CLDN19: variants seen among roughly 807,000 people sequenced by gnomAD.
The protein encoded by CLDN19 is claudin-19.
A neutral mutation model predicts 24.5 loss-of-function variants in CLDN19; 19 were observed. The observed-to-expected ratio is 0.78, with a 90% CI of 0.54 to 1.14. The LOEUF (loss-of-function observed/expected upper bound fraction) is 1.14, where lower values mean the gene tolerates loss of function less well. Ranked by LOEUF, CLDN19 falls within the 50% of genes most tolerant of loss-of-function variation. The pLI, the probability that CLDN19 is intolerant of heterozygous loss-of-function variation, is 0.00. For missense variants in CLDN19, 250 were observed against 295.9 expected (o/e 0.84, Z 1.14); for synonymous variants, 117 against 129.6 (o/e 0.90, Z 0.66).
Position 42,735,073 on chromosome 1 carries a change from T to C in CLDN19, c.*13A>G. The C allele has an allele frequency of 6.3e-7, 1 of 1,594,594 alleles. No homozygotes were observed. The highest frequency in any genetic ancestry group is 8.6e-7 in the Non-Finnish European group (1 of 1,162,534). Reference sequence around the variant, plus strand: ...GGTATGGCAGGGGACAGAGCCTGGCTGGGGACTGGACATTACACACCCAGG... The same window carrying C: ...GGTATGGCAGGGGACAGAGCCTGGCCGGGGACTGGACATTACACACCCAGG... On this transcript the variant is annotated 3_prime_UTR_variant, in exon 5 of 5. Transcript: ENST00000296387.
intron 1 of CLDN19, among the ~76,000 whole-genome samples, chr1:42,739,093 C>A (rs922678190): frequency 1.3e-5 from 2 of 152,006 alleles, no homozygotes; most frequent in African/African-American, 4.8e-5. Context: ...CCATCCTGGG[C>A]CCTGGGGGGT....
At chr1:42,738,093 C>T in intron 3 of CLDN19, 136 bp downstream of exon 3, 3 of 811,808 alleles carry the variant, frequency 3.7e-6, no homozygotes, top group Non-Finnish European at 6.3e-6. Flanking sequence ...CCACCACACT[C>T]CTCCTGGCGC....
chr1:42,736,184 T>A (rs1253680304), intron 3 of CLDN19, among the ~76,000 whole-genome samples, 154 bp from the exon 4 acceptor site: 1 of 152,198 alleles, frequency 6.6e-6, no homozygotes, highest in African/African-American at 2.4e-5. Context: ...GTGAATGCTC[T>A]TCCTTTCTCC....
rs747361042 is a variant in CLDN19, at chr1:42,735,075, G to T, written c.*11C>A. 7 of 1,594,908 alleles carry T rather than the reference G, an allele frequency of 4.4e-6. No homozygotes were observed. The highest frequency in any genetic ancestry group is 2.7e-5 in the African/African-American group (2 of 74,540). ...TATGGCAGGGGACAGAGCCTGGCTG[G>T]GGACTGGACATTACACACCCAGGGG... On this transcript the variant is annotated 3_prime_UTR_variant, in exon 5 of 5. Coordinates refer to ENST00000296387, the MANE Select transcript of CLDN19 (RefSeq NM_148960.3).
Position 42,738,289 on chromosome 1 carries a change from G to A in CLDN19, c.413C>T (p.Ser138Leu), listed in dbSNP as rs781067170. ...CTGGGTCACCAGGGTGGCATACCAC[G>A]AGACAGCAGTCAAAGTGCAGAGGCC... Reference protein sequence around the residue: ...LAGLCTLTAVSWYATLVTQEF... With the variant: ...LAGLCTLTAVLWYATLVTQEF... Residue 138 changes from serine (S) to leucine (L), a missense_variant, in exon 3 of 5, where the codon TCG becomes TTG. By Grantham distance (145) the Ser-to-Leu change is moderately radical. Coordinates refer to ENST00000296387, the MANE Select transcript of CLDN19 (RefSeq NM_148960.3). 9.9e-6 allele frequency: 16 copies of A among 1,613,880 alleles called. No homozygotes were observed. Among genetic ancestry groups the A allele is most frequent in the Non-Finnish European group, 1.3e-5 (15 of 1,180,014 alleles).
chr1:42,739,193 C>G (rs1449831602), intron 1 of CLDN19, among the ~76,000 whole-genome samples: 1 of 152,210 alleles, frequency 6.6e-6, no homozygotes, highest in African/African-American at 2.4e-5. Flanking sequence ...TTGAAGGCCG[C>G]TCTGCTCCCA....
chr1:42,734,999 GGCTGGAT>G lies in CLDN19; in HGVS notation c.*80_*86del, dbSNP rs369052611. ...ACAGACCGAATGATACCATGATTGG[GGCTGGAT>G]GTTCACTTCTCTTTCCAAAAAAATA... is the stretch of plus-strand genomic sequence containing the variant. On this transcript the variant is annotated 3_prime_UTR_variant, in exon 5 of 5. Transcript: ENST00000296387. 287 of 1,074,216 alleles carry G rather than the reference GGCTGGAT, an allele frequency of 2.7e-4. 1 individual carries two copies. In the African/African-American group the frequency reaches 3.6e-3, roughly 14 times the overall value. The allele number at this position is 1,074,216 out of a possible 1,614,324, so 66.5% of individuals were successfully genotyped here. A position where few individuals can be genotyped will look rare whatever the true frequency, so the allele number is the denominator to read the frequency against.
intron 3 of CLDN19, among the ~76,000 whole-genome samples, 188 bp from the exon 4 acceptor site, chr1:42,736,218 A>G (rs987038939): frequency 6.6e-6 from 1 of 150,588 alleles, no homozygotes; most frequent in African/African-American, 2.4e-5. Flanking sequence ...CAGAATATCA[A>G]CACCACACAG....
intron 4 of CLDN19, chr1:42,735,408 C>T (rs1651327171): frequency 7.0e-7 from 1 of 1,423,970 alleles, no homozygotes; most frequent in Non-Finnish European, 9.1e-7. Flanking sequence ...CATCCCGGCA[C>T]TGCCCTTGTG....
At chr1:42,735,449 G>C (rs1054990359) in intron 4 of CLDN19, 20 of 1,414,082 alleles carry the variant, frequency 1.4e-5, no homozygotes, top group Non-Finnish European at 1.8e-5. Context: ...TGGGACTGGG[G>C]AGGGTGAAGG....
At chr1:42,735,420 G>A (rs981821556) in intron 4 of CLDN19, 1 of 1,420,238 alleles carries the variant, frequency 7.0e-7, no homozygotes, top group African/African-American at 1.4e-5. Context: ...GCCCTTGTGG[G>A]GTTGCTGTGA....
rs761923272 is a variant in CLDN19, at chr1:42,739,994, T to C, written c.70A>G (p.Ser24Gly). 1 of 1,585,042 alleles carries C rather than the reference T, an allele frequency of 6.3e-7. No individual in the cohort carries two copies. The highest frequency in any genetic ancestry group is 8.6e-7 in the Non-Finnish European group (1 of 1,165,514). The change falls in exon 1 of 5, where the codon AGC (serine) becomes GGC (glycine). Residue 24 changes from serine (S) to glycine (G), a missense_variant. Coordinates refer to ENST00000296387, the MANE Select transcript of CLDN19 (RefSeq NM_148960.3). ...TGCTTCCACTGTGGCAGGGCTGTGCTAGCAATGATGCCCACCCAGCCACCC... is the reference window on the plus strand; with the variant it reads ...TGCTTCCACTGTGGCAGGGCTGTGCCAGCAATGATGCCCACCCAGCCACCC... ...ALGGWVGIIA[S>G]TALPQWKQSS...
At chr1:42,738,352 C>A (rs199649637) in intron 2 of CLDN19, 39 bp from the exon 3 acceptor site, 2 of 1,611,968 alleles carry the variant, frequency 1.2e-6, no homozygotes, top group Admixed American at 1.7e-5. Context: ...TCTGCTCTGG[C>A]CCCCCGAGGC....
At chr1:42,735,679 T>A in intron 4 of CLDN19, 199 bp downstream of exon 4, 1 of 1,445,068 alleles carries the variant, frequency 6.9e-7, no homozygotes, top group Non-Finnish European at 9.1e-7. Context: ...GGGGGCTGGG[T>A]CCTGCCTCTG....
rs1328096775 is a variant in CLDN19 at position 42,739,831 on chromosome 1, T to C, written c.223+10A>G. On this transcript the variant is annotated intron_variant, in intron 1 of 4. Coordinates refer to ENST00000296387, the MANE Select transcript of CLDN19 (RefSeq NM_148960.3). ...CCTCCCATCTCCCACCCCGCCGGCCTGGGGCCTACCGTCCAGGGCGAGCAG... is the reference window on the plus strand; with the variant it reads ...CCTCCCATCTCCCACCCCGCCGGCCCGGGGCCTACCGTCCAGGGCGAGCAG... The C allele has an allele frequency of 6.2e-7, 1 of 1,611,832 alleles. No individual in the cohort carries two copies. The highest frequency in any genetic ancestry group is 1.7e-5 in the Admixed American group (1 of 59,966).
rs1651329531 is a variant in CLDN19 at position 42,735,481 on chromosome 1, T to G, written c.627-347A>C. ...AAGGTTTCTGCTCACCCCAAGGACC[T>G]GGGTACTAAGGTACGTCTTGGCCAC... On this transcript the variant is annotated intron_variant, in intron 4 of 4. Coordinates refer to ENST00000296387, the MANE Select transcript of CLDN19 (RefSeq NM_148960.3). The G allele has an allele frequency of 2.1e-6, 3 of 1,412,046 alleles. No homozygotes were observed. The South Asian group carries it at 4.8e-5, about 23-fold the overall frequency. The allele number at this position is 1,412,046 out of a possible 1,614,324, so 87.5% of individuals were successfully genotyped here.
intron 3 of CLDN19, among the ~76,000 whole-genome samples, chr1:42,737,857 A>T (rs1056978165): frequency 3.3e-5 from 5 of 151,990 alleles, no homozygotes; most frequent in African/African-American, 1.2e-4. Context: ...TATTTTTTGT[A>T]TTTTTAATAG....
rs1430430620 is a variant in CLDN19 at position 42,733,156 on chromosome 1, C to A, written c.*1930G>T. The A allele has an allele frequency of 6.8e-6, 1 of 146,486 alleles. No individual in the cohort carries two copies. Among genetic ancestry groups the A allele is most frequent in the Non-Finnish European group, 1.5e-5 (1 of 67,112 alleles). 9.1% of individuals were successfully genotyped at this position (146,486 alleles called of 1,614,324 possible). On this transcript the variant is annotated 3_prime_UTR_variant, in exon 5 of 5. Coordinates refer to ENST00000296387, the MANE Select transcript of CLDN19 (RefSeq NM_148960.3). ...GTGGCACGATCTTGGCTGACTGCAA[C>A]CTCCACCTCCCGAGTTCAAGCGATT...
In CLDN19 at chr1:42,737,891, C is replaced by T. The variant is rs112124556; in HGVS notation, c.473+338G>A. 8.5e-5 allele frequency among the ~76,000 whole-genome samples: 13 copies of T among 152,144 alleles called. 1 individual carries two copies. Among genetic ancestry groups the T allele is most frequent in the African/African-American group, 3.1e-4 (13 of 41,436 alleles). On this transcript the variant is annotated intron_variant, in intron 3 of 4. Transcript: ENST00000296387. ...AGAGACGGGGTTTCACCATGTTGGC[C>T]AGGCTGGTCTTGAACTCCTGACCTC...
Sources: gnomAD v4.1 joint callset for allele counts (sites outside exome capture counted in the v4.1 genomes callset) on GRCh38, gnomAD v4.1.1 for gene constraint, MANE v1.5 for transcripts, NCBI Gene and HGNC (gene_info 2026-07-23, HGNC 2026-07-21) for gene names.